RBFOX3: variants seen among roughly 807,000 people sequenced by gnomAD.
RBFOX3 encodes RNA binding protein fox-1 homolog 3.
In RBFOX3, 17 loss-of-function variants were observed where a neutral mutation model predicts 48.7. The ratio of observed to expected loss-of-function variants is 0.35; its 90% CI spans 0.24 to 0.52. RBFOX3 has a LOEUF of 0.52. RBFOX3 is among the 20% of genes least tolerant of loss of function. RBFOX3 has a pLI of 0.94. For missense variants in RBFOX3, 382 were observed against 497.5 expected, an observed-to-expected ratio of 0.77 and a Z score of 2.21; for synonymous variants, 212 against 209.5, an observed-to-expected ratio of 1.01 and a Z score of -0.10.
At chr17:79,462,017 T>C (rs1251085146) in intron 2 of RBFOX3, among the ~76,000 whole-genome samples, 1 of 152,224 alleles carries the variant, frequency 6.6e-6, no homozygotes, top group Non-Finnish European at 1.5e-5. Flanking sequence ...TTTCTGTTGT[T>C]CTAAGCCACC....
intron 1 of RBFOX3, among the ~76,000 whole-genome samples, chr17:79,608,601 C>T (rs1266227422): frequency 6.6e-6 from 1 of 152,190 alleles, no homozygotes; most frequent in Non-Finnish European, 1.5e-5. Context: ...CCTCGCCAGG[C>T]CCAGGCTGTC....
At position 79,294,666 on chromosome 17, in the gene RBFOX3, C is replaced by G. The variant is rs558991106; in HGVS notation, c.-74+13058G>C. 2.0e-5 allele frequency among the ~76,000 whole-genome samples: 3 copies of G among 152,276 alleles called. No individual in the cohort carries two copies. In the South Asian group the frequency reaches 6.2e-4, roughly 32 times the overall value. ...GGGGGAAGGCAGGAGTTCAGCACCA[C>G]GGACAGCGACCTGCGGGTGGGAGAC... On this transcript the variant is annotated intron_variant, in intron 3 of 14. Transcript: ENST00000693108.
At chr17:79,165,076 A>G (rs528138292) in intron 4 of RBFOX3, among the ~76,000 whole-genome samples, 3 of 147,978 alleles carry the variant, frequency 2.0e-5, no homozygotes, top group African/African-American at 7.4e-5. Context: ...GCCACACCTA[A>G]CAGGCAGGGT....
At chr17:79,096,575 A>T in intron 12 of RBFOX3, 78 bp downstream of exon 12, 1 of 1,282,440 alleles carries the variant, frequency 7.8e-7, no homozygotes, top group Non-Finnish European at 1.1e-6. Context: ...GCGGGCAGTG[A>T]GAGAGGAGAC....
intron 4 of RBFOX3, among the ~76,000 whole-genome samples, chr17:79,168,478 G>A (rs143848480): frequency 6.6e-6 from 1 of 152,328 alleles, no homozygotes; most frequent in South Asian, 2.1e-4. Flanking sequence ...AACAGAAGAG[G>A]CCCGTGCCCA....
At chr17:79,310,888 G>T (rs538094839) in intron 2 of RBFOX3, among the ~76,000 whole-genome samples, 1 of 152,276 alleles carries the variant, frequency 6.6e-6, no homozygotes, top group South Asian at 2.1e-4. Flanking sequence ...GCATCTGATG[G>T]TCAGTGTTAT....
chr17:79,365,683 G>A (rs2057639021), intron 2 of RBFOX3, among the ~76,000 whole-genome samples: 1 of 152,142 alleles, frequency 6.6e-6, no homozygotes, highest in South Asian at 2.1e-4. Flanking sequence ...TAAACCTGAA[G>A]GAATATATCT....
rs890023453 is a variant in RBFOX3, at chr17:79,479,189, G to A, written c.-175+3265C>T. Among the ~76,000 whole-genome samples, 3 of 152,196 alleles carry A rather than the reference G, an allele frequency of 2.0e-5. No homozygotes were observed. The highest frequency in any genetic ancestry group is 2.1e-4 in the South Asian group (1 of 4,834). ...TCTAGTCACATTCCTTTGGGCCATG[G>A]ACGGCATCCACATGCCAGAGCTCTG... On this transcript the variant is annotated intron_variant, in intron 2 of 14. Transcript: ENST00000693108. The surrounding 1 kb of genome is among the most constrained non-coding windows in gnomAD (Gnocchi z 5.1).
chr17:79,107,244 C>T (rs1002818496), intron 5 of RBFOX3, among the ~76,000 whole-genome samples: 1 of 152,200 alleles, frequency 6.6e-6, no homozygotes, highest in Non-Finnish European at 1.5e-5. Flanking sequence ...CCCGAGGGTC[C>T]GCCTGTCCGA....
intron 1 of RBFOX3, among the ~76,000 whole-genome samples, chr17:79,495,838 G>T (rs1025641908): frequency 4.0e-5 from 6 of 151,728 alleles, no homozygotes; most frequent in South Asian, 4.2e-4. Context: ...GGGTGTAGGC[G>T]GTGGACGGGG....
In RBFOX3 at chr17:79,172,072, G is replaced by A. The variant is rs369189381; in HGVS notation, c.-33-56324C>T. Among the ~76,000 whole-genome samples, 6 of 151,298 alleles carry A rather than the reference G, an allele frequency of 4.0e-5. No homozygotes were observed. The South Asian group carries it at 1.0e-3, about 26-fold the overall frequency. ...GCCTGTAATCCCAGCTACTCGGGAG[G>A]CTGAGGCATGAGAATTGCCTGAACC... On this transcript the variant is annotated intron_variant, in intron 4 of 14. Transcript: ENST00000693108.
chr17:79,162,733 G>T (rs1173132886), intron 4 of RBFOX3, among the ~76,000 whole-genome samples: 3 of 152,054 alleles, frequency 2.0e-5, no homozygotes, highest in African/African-American at 4.8e-5. Context: ...AAGCCCTCGG[G>T]TGTTGTGGGT....
chr17:79,377,704 C>T (rs1219305744), intron 2 of RBFOX3, among the ~76,000 whole-genome samples: 1 of 152,170 alleles, frequency 6.6e-6, no homozygotes, highest in Non-Finnish European at 1.5e-5. Context: ...TGGGACACCG[C>T]TTGGGGTCCT....
intron 2 of RBFOX3, among the ~76,000 whole-genome samples, chr17:79,475,945 G>A (rs914272386): frequency 2.2e-4 from 33 of 152,320 alleles, no homozygotes; most frequent in African/African-American, 5.1e-4. Flanking sequence ...AAGAGCTATC[G>A]TGAGAAGCCA....
chr17:79,523,778 G>A (rs1315301709), intron 1 of RBFOX3, among the ~76,000 whole-genome samples: 2 of 152,176 alleles, frequency 1.3e-5, no homozygotes, highest in African/African-American at 4.8e-5. Flanking sequence ...GTGATAAAAC[G>A]CAAAACGAAT....
chr17:79,574,201 G>A (rs1054781550), intron 1 of RBFOX3, among the ~76,000 whole-genome samples: 5 of 152,188 alleles, frequency 3.3e-5, no homozygotes, highest in Admixed American at 6.5e-5. Context: ...ATATGTCAGC[G>A]GCGTTTGAAC....
chr17:79,280,526 G>C (rs4465632), intron 3 of RBFOX3, among the ~76,000 whole-genome samples: 1 of 152,048 alleles, frequency 6.6e-6, no homozygotes, highest in Non-Finnish European at 1.5e-5. Flanking sequence ...AAGTTCCATG[G>C]AGGGGCCTCA....
chr17:79,476,902 GAA>G (rs1397004446), intron 2 of RBFOX3, among the ~76,000 whole-genome samples: 8 of 151,994 alleles, frequency 5.3e-5, no homozygotes, highest in Admixed American at 3.9e-4. Flanking sequence ...GAAAAAAGAA[GAA>G]AGAGGAGAAA....
chr17:79,603,568 A>T (rs1481068886), intron 1 of RBFOX3, among the ~76,000 whole-genome samples: 3 of 152,218 alleles, frequency 2.0e-5, no homozygotes, highest in Non-Finnish European at 4.4e-5. Flanking sequence ...CTCTCTATAG[A>T]GACATGCTAA....
Sources: gnomAD v4.1 joint callset for allele counts (sites outside exome capture counted in the v4.1 genomes callset) on GRCh38, gnomAD v4.1.1 for gene constraint, Gnocchi (gnomAD v3.1) non-coding constraint, MANE v1.5 for transcripts, NCBI Gene and HGNC (gene_info 2026-07-23, HGNC 2026-07-21) for gene names.